MACF1: variants seen among roughly 807,000 people sequenced by gnomAD.
The protein encoded by MACF1 is microtubule-actin cross-linking factor 1.
In MACF1, 193 loss-of-function variants were observed where a neutral mutation model predicts 854.8. The observed-to-expected ratio is 0.23, with a 90% CI of 0.20 to 0.25. The LOEUF is 0.25. Ranked by LOEUF, MACF1 falls within the 10% of genes least tolerant of loss-of-function variation. MACF1 has a pLI of 1.00. For synonymous variants in MACF1, 3,185 were observed against 3,226.7 expected (o/e 0.99, Z 0.44); for missense variants, 7,722 against 8,929.1 (o/e 0.86, Z 5.45).
chr1:39,373,807 C>T (rs1453079290), intron 52 of MACF1, among the ~76,000 whole-genome samples: 30 of 136,568 alleles, frequency 2.2e-4, no homozygotes, highest in East Asian at 1.6e-3. Context: ...GAGCCAAGAT[C>T]GTGCCACTGT....
intron 21 of MACF1, chr1:39,299,359 C>G: frequency 2.2e-6 from 1 of 448,304 alleles, no homozygotes. Flanking sequence ...CATCTACATC[C>G]ATCCTAAGAA....
intron 58 of MACF1, among the ~76,000 whole-genome samples, chr1:39,389,082 C>T (rs1220804035): frequency 6.6e-6 from 1 of 151,512 alleles, no homozygotes; most frequent in African/African-American, 2.4e-5. Flanking sequence ...CACCATGTCT[C>T]CCAGGCTGGT....
intron 6 of MACF1, among the ~76,000 whole-genome samples, chr1:39,270,115 T>A (rs141033941): frequency 1.2e-4 from 18 of 152,320 alleles, no homozygotes; most frequent in African/African-American, 3.8e-4. Context: ...AATGAATCTC[T>A]GGAATAAATG....
At chr1:39,483,543 C>T (rs955589268) in intron 99 of MACF1, among the ~76,000 whole-genome samples, 2 of 152,170 alleles carry the variant, frequency 1.3e-5, no homozygotes, top group East Asian at 3.8e-4. Context: ...ATTGGTGGAA[C>T]AGCAAGGAAG....
chr1:39,227,014 G>A (rs921252139), intron 1 of MACF1, among the ~76,000 whole-genome samples: 2 of 152,132 alleles, frequency 1.3e-5, no homozygotes, highest in Admixed American at 6.5e-5. Context: ...TTTCCACCCT[G>A]CCTTCTTATC....
At position 39,387,546 on chromosome 1, in the gene MACF1, A is replaced by T. The variant is rs617401; in HGVS notation, c.14704A>T (p.Met4902Leu). 9 of 1,614,174 alleles carry T rather than the reference A, an allele frequency of 5.6e-6. No individual in the cohort carries two copies. The South Asian group carries it at 6.6e-5, about 12-fold the overall frequency. The change falls in exon 58 of 101, where the codon ATG (methionine) becomes TTG (leucine). Residue 4902 changes from methionine (M) to leucine (L), a missense_variant. Physicochemically the swap from Met to Leu is conservative, Grantham distance 15. This residue lies in a region of MACF1 where 2,807 missense variants were observed against 3,235.8 expected (regional missense o/e 0.87). Transcript: ENST00000564288. Reference protein sequence around the residue: ...ADRQSRLKDCMQKAQKYQWHV... With the variant: ...ADRQSRLKDCLQKAQKYQWHV... ...CAGACAATCCAGGCTCAAGGATTGT[A>T]TGCAGAAAGCTCAGAAATATCAGTG...
At chr1:39,440,523 T>C (rs1371862776) in intron 72 of MACF1, among the ~76,000 whole-genome samples, 1 of 152,176 alleles carries the variant, frequency 6.6e-6, no homozygotes, top group Admixed American at 6.5e-5. Context: ...TATTTTTTCA[T>C]AGAGAAATTC....
chr1:39,365,406 G>A (rs1648613530), intron 49 of MACF1, among the ~76,000 whole-genome samples: 1 of 152,072 alleles, frequency 6.6e-6, no homozygotes, highest in African/African-American at 2.4e-5. Flanking sequence ...GAGCTGACAT[G>A]ACACTCAAGA....
At chr1:39,298,585 C>G (rs566619111) in intron 21 of MACF1, 227 of 417,030 alleles carry the variant, frequency 5.4e-4, no homozygotes, top group Non-Finnish European at 7.8e-4. Flanking sequence ...TAACCCAAAA[C>G]AGTTCATTTT....
intron 95 of MACF1, chr1:39,467,627 T>G (rs1644697636): frequency 6.6e-6 from 1 of 152,232 alleles, no homozygotes; most frequent in African/African-American, 2.4e-5. Context: ...TATGCTTGTT[T>G]TAGCATCTAA....
At chr1:39,317,549 G>T in intron 29 of MACF1, 142 bp downstream of exon 29, 1 of 936,140 alleles carries the variant, frequency 1.1e-6, no homozygotes, top group Non-Finnish European at 1.6e-6. Flanking sequence ...ATAAATTCTG[G>T]ACAAGTAAGT....
Position 39,484,625 on chromosome 1 carries a change from T to C in MACF1, c.22306T>C (p.Leu7436=), listed in dbSNP as rs549991405. ...PEVIPSSGSK[L]KRPTPTFHSS... ...GGTTATCCCATCATCAGGTAGCAAGTTGAAACGACCAACACCAACTTTTCA... is the reference window on the plus strand; with the variant it reads ...GGTTATCCCATCATCAGGTAGCAAGCTGAAACGACCAACACCAACTTTTCA... Residue 7436 remains leucine (L), a synonymous_variant, in exon 100 of 101, where the codon TTG becomes CTG. Coordinates refer to ENST00000564288, the MANE Select transcript of MACF1 (RefSeq NM_001394062.1). 4 of 1,613,984 alleles carry C rather than the reference T, an allele frequency of 2.5e-6. No homozygotes were observed. The highest frequency in any genetic ancestry group is 4.5e-5 in the East Asian group (2 of 44,880).
In MACF1 at chr1:39,319,696, A is replaced by C. The variant is rs766788010; in HGVS notation, c.3978A>C (p.Thr1326=). The C allele has an allele frequency of 3.7e-5, 59 of 1,613,698 alleles. No individual in the cohort carries two copies. Among genetic ancestry groups the C allele is most frequent in the Non-Finnish European group, 4.3e-5 (51 of 1,179,844 alleles). The change falls in exon 31 of 101, where the codon ACA becomes ACC. Residue 1326 remains threonine (T), a synonymous_variant. Transcript: ENST00000564288. ...TTGCAGAAATTGAGAGAAATCAGACAAAACTGGATCAATGTCAAAAATTTT... is the reference window on the plus strand; with the variant it reads ...TTGCAGAAATTGAGAGAAATCAGACCAAACTGGATCAATGTCAAAAATTTT... ...ALFAEIERNQ[T]KLDQCQKFSQ...
In MACF1 at chr1:39,424,189, A is replaced by T. The variant is rs1469681814; in HGVS notation, c.16311A>T (p.Ala5437=). The change falls in exon 61 of 101, where the codon GCA becomes GCT. Residue 5437 remains alanine, a synonymous_variant. Transcript: ENST00000564288. ...SRWTELLSKA[A]ARQKQLEDIL... ...GGACTGAACTACTCAGTAAGGCAGC[A>T]GCCAGGTAAGATCAAAGGAATTTTG... The T allele has an allele frequency of 1.2e-6, 2 of 1,613,066 alleles. No individual in the cohort carries two copies. The highest frequency in any genetic ancestry group is 8.5e-7 in the Non-Finnish European group (1 of 1,179,568).
At position 39,422,418 on chromosome 1, in the gene MACF1, G is replaced by T; in HGVS notation, c.15861G>T (p.Gln5287His). Residue 5287 changes from glutamine (Q) to histidine (H), a missense_variant, in exon 59 of 101, where the codon CAG (glutamine) becomes CAT (histidine). By Grantham distance (24) the Gln-to-His change is conservative. Around this residue, in one of 15 missense-constraint regions of MACF1, gnomAD observed 2,807 missense variants for 3,235.8 expected, o/e 0.87. Coordinates refer to ENST00000564288, the MANE Select transcript of MACF1 (RefSeq NM_001394062.1). ...EQVDPLQMKLQQVNGLGQGLI... is the reference protein window; with the variant it reads ...EQVDPLQMKLHQVNGLGQGLI... ...TGGATCCTCTTCAGATGAAATTGCA[G>T]CAGGTGAATGGACTTGGCCAGGGAT... 4.3e-6 allele frequency: 7 copies of T among 1,614,168 alleles called. No individual in the cohort carries two copies. The highest frequency in any genetic ancestry group is 5.1e-6 in the Non-Finnish European group (6 of 1,180,004).
At chr1:39,222,912 G>A (rs1644671054) in intron 1 of MACF1, among the ~76,000 whole-genome samples, 1 of 152,120 alleles carries the variant, frequency 6.6e-6, no homozygotes, top group Non-Finnish European at 1.5e-5. Flanking sequence ...GGACTATGTG[G>A]GTAGGCTATG....
intron 97 of MACF1, among the ~76,000 whole-genome samples, chr1:39,472,891 C>G (rs1203369491): frequency 6.6e-6 from 1 of 152,164 alleles, no homozygotes; most frequent in African/African-American, 2.4e-5. Context: ...TTAATGAGGC[C>G]TCATGGAAGC....
intron 6 of MACF1, among the ~76,000 whole-genome samples, chr1:39,277,677 ATGT>A (rs1036782811): frequency 1.6e-4 from 25 of 152,100 alleles, no homozygotes; most frequent in African/African-American, 4.3e-4. Flanking sequence ...CTCAGCACAG[ATGT>A]TGTTGTTGCT....
chr1:39,470,532 A>G (rs1644756020), intron 97 of MACF1, among the ~76,000 whole-genome samples: 1 of 152,130 alleles, frequency 6.6e-6, no homozygotes, highest in South Asian at 2.1e-4. Context: ...TGTAGTCCTA[A>G]CTACTCTGGA....
Sources: gnomAD v4.1 joint callset for allele counts (sites outside exome capture counted in the v4.1 genomes callset) on GRCh38, gnomAD v4.1.1 for gene constraint, gnomAD v4.1.1 regional missense constraint, MANE v1.5 for transcripts, NCBI Gene and HGNC (gene_info 2026-07-23, HGNC 2026-07-21) for gene names.